KCNK12: variants seen among roughly 807,000 people sequenced by gnomAD.
KCNK12 encodes the protein potassium two pore domain channel subfamily K member 12, also known as potassium channel subfamily K member 12.
Under a neutral mutation model 25.3 loss-of-function variants are expected in KCNK12, and 6 were observed. That is an observed-to-expected ratio of 0.24 (90% CI 0.13 to 0.47). KCNK12 has a LOEUF of 0.47. Among genes scored for constraint, KCNK12 ranks in the 20% least tolerant of loss-of-function variants. The pLI, the probability that KCNK12 is intolerant of heterozygous loss-of-function variation, is 0.99. For missense variants in KCNK12, 444 were observed against 661.7 expected (o/e 0.67, Z 3.61); for synonymous variants, 331 against 311.1 (o/e 1.06, Z -0.67).
At chr2:47,535,609 C>T (rs1275371496) in intron 1 of KCNK12, among the ~76,000 whole-genome samples, 1 of 152,182 alleles carries the variant, frequency 6.6e-6, no homozygotes, top group Non-Finnish European at 1.5e-5. Context: ...AGACCAAGCA[C>T]TCTGCTGGTA....
At chr2:47,531,079 G>T (rs2104769147) in intron 1 of KCNK12, among the ~76,000 whole-genome samples, 1 of 152,302 alleles carries the variant, frequency 6.6e-6, no homozygotes, top group East Asian at 1.9e-4. Flanking sequence ...CAATCCCCGG[G>T]TGCATCCAGA....
intron 1 of KCNK12, among the ~76,000 whole-genome samples, chr2:47,544,520 T>C (rs1669271766): frequency 6.6e-6 from 1 of 152,264 alleles, no homozygotes; most frequent in Non-Finnish European, 1.5e-5. Flanking sequence ...CGTGTGTACT[T>C]TCTTGTCTAA....
intron 1 of KCNK12, among the ~76,000 whole-genome samples, chr2:47,534,123 C>T (rs1006165305): frequency 6.6e-6 from 1 of 152,024 alleles, no homozygotes. Flanking sequence ...CCAGTGACTT[C>T]TAACATTAGA....
rs998636172 is a variant in KCNK12 at position 47,536,318 on chromosome 2, C to G, written c.392-14510G>C. 4.6e-5 allele frequency among the ~76,000 whole-genome samples: 7 copies of G among 152,262 alleles called. No individual in the cohort carries two copies. The East Asian group carries it at 9.6e-4, about 21-fold the overall frequency. ...GACAGCCCCTGTCCTGACCATTGTC[C>G]CAGAGATTTAACCCTTTGTGTTTTT... On this transcript the variant is annotated intron_variant, in intron 1 of 1. Coordinates refer to ENST00000327876, the MANE Select transcript of KCNK12 (RefSeq NM_022055.2).
Position 47,548,410 on chromosome 2 carries a change from C to T in KCNK12, c.391+21531G>A, listed in dbSNP as rs1001403711. On this transcript the variant is annotated intron_variant, in intron 1 of 1. Transcript: ENST00000327876. The surrounding 1 kb of genome is among the most constrained non-coding windows in gnomAD (Gnocchi z 4.4). ...CATTTCCAAAACCAAGCTCTTGATT[C>T]TCCCTCCCAACCAGCCCCTCCTTGA... is the stretch of plus-strand genomic sequence containing the variant. Among the ~76,000 whole-genome samples, 1 of 152,224 alleles carries T rather than the reference C, an allele frequency of 6.6e-6. No individual in the cohort carries two copies. Among genetic ancestry groups the T allele is most frequent in the African/African-American group, 2.4e-5 (1 of 41,452 alleles).
At position 47,548,114 on chromosome 2, in the gene KCNK12, G is replaced by T. The variant is rs1448339416; in HGVS notation, c.391+21827C>A. On this transcript the variant is annotated intron_variant, in intron 1 of 1. Coordinates refer to ENST00000327876, the MANE Select transcript of KCNK12 (RefSeq NM_022055.2). The surrounding 1 kb of genome is among the most constrained non-coding windows in gnomAD (Gnocchi z 4.4). ...TTCCTCTTTGCCTTCTGACATGATTGTAAGTTCCCTGAGGCCTCTCCTGCC... is the reference window on the plus strand; with the variant it reads ...TTCCTCTTTGCCTTCTGACATGATTTTAAGTTCCCTGAGGCCTCTCCTGCC... Among the ~76,000 whole-genome samples the T allele has an allele frequency of 6.6e-6, 1 of 152,162 alleles. No individual in the cohort carries two copies. The highest frequency in any genetic ancestry group is 1.5e-5 in the Non-Finnish European group (1 of 68,032).
At chr2:47,558,545 G>A (rs956926911) in intron 1 of KCNK12, among the ~76,000 whole-genome samples, 7 of 152,212 alleles carry the variant, frequency 4.6e-5, no homozygotes, top group Admixed American at 6.5e-5. Context: ...GCAGAGGCCC[G>A]TGCCTACCTT....
chr2:47,524,100 T>A (rs10495945), intron 1 of KCNK12, among the ~76,000 whole-genome samples: 1 of 152,006 alleles, frequency 6.6e-6, no homozygotes, highest in Non-Finnish European at 1.5e-5. Flanking sequence ...ATGTTACCCA[T>A]GTTGAGGAAG....
At chr2:47,558,892 A>G (rs1669604478) in intron 1 of KCNK12, among the ~76,000 whole-genome samples, 1 of 152,162 alleles carries the variant, frequency 6.6e-6, no homozygotes, top group Admixed American at 6.5e-5. Flanking sequence ...CTTCCGTCAA[A>G]TGTGTGAAGC....
intron 1 of KCNK12, among the ~76,000 whole-genome samples, chr2:47,549,492 A>C (rs1669380533): frequency 6.6e-6 from 1 of 152,264 alleles, no homozygotes; most frequent in African/African-American, 2.4e-5. Context: ...CAATAGAAAC[A>C]GACCCAGAAA....
chr2:47,543,748 A>G (rs1669252330), intron 1 of KCNK12: 1 of 152,288 alleles, frequency 6.6e-6, no homozygotes, highest in South Asian at 2.1e-4. Flanking sequence ...CAAGCTCGGG[A>G]TGGGGGATGG....
rs537362713 is a variant in KCNK12, at chr2:47,562,018, C to T, written c.391+7923G>A. On this transcript the variant is annotated intron_variant, in intron 1 of 1. Coordinates refer to ENST00000327876, the MANE Select transcript of KCNK12 (RefSeq NM_022055.2). The surrounding 1 kb of genome is among the most constrained non-coding windows in gnomAD (Gnocchi z 4.8). ...TGGTGATATGTCCTGCCTAAAGCCACGCAGCCAGTTAGTGGCAGAGCCAGG... is the reference window on the plus strand; with the variant it reads ...TGGTGATATGTCCTGCCTAAAGCCATGCAGCCAGTTAGTGGCAGAGCCAGG... The T allele has an allele frequency of 2.5e-4, 99 of 398,558 alleles. 2 individuals are homozygous for T. The South Asian group carries it at 0.01, about 42-fold the overall frequency. 24.7% of individuals were successfully genotyped at this position (398,558 alleles called of 1,614,324 possible).
intron 1 of KCNK12, among the ~76,000 whole-genome samples, chr2:47,546,975 G>A (rs750096386): frequency 1.3e-5 from 2 of 152,114 alleles, no homozygotes; most frequent in Non-Finnish European, 2.9e-5. Context: ...ACTTGGGTGT[G>A]GGAAAGGCCA....
rs1020792198 is a variant in KCNK12, at chr2:47,510,761, A to G, written c.*10146T>C. 1.1e-4 allele frequency: 16 copies of G among 152,222 alleles called. No individual in the cohort carries two copies. Among genetic ancestry groups the G allele is most frequent in the Admixed American group, 1.3e-4 (2 of 15,282 alleles). 9.4% of individuals were successfully genotyped at this position (152,222 alleles called of 1,614,324 possible). ...GTGTACAGGAGAAACAGGTCTATTA[A>G]CCCTGGTATTAATATTAACTGGCTG... On this transcript the variant is annotated 3_prime_UTR_variant, in exon 2 of 2. Coordinates refer to ENST00000327876, the MANE Select transcript of KCNK12 (RefSeq NM_022055.2).
Position 47,528,535 on chromosome 2 carries a change from G to A in KCNK12, c.392-6727C>T, listed in dbSNP as rs534315715. On this transcript the variant is annotated intron_variant, in intron 1 of 1. Transcript: ENST00000327876. This position sits in a 1 kb window ranked among gnomAD's most constrained non-coding sequence, Gnocchi z 4.5. ...GTGGGGAGCCAAGCTGCTCTGGAGA[G>A]GGGCCTCAAAGCTTCAGCCAGAGAA... 6.6e-6 allele frequency among the ~76,000 whole-genome samples: 1 copy of A among 152,328 alleles called. No individual in the cohort carries two copies. The highest frequency in any genetic ancestry group is 1.5e-5 in the Non-Finnish European group (1 of 68,038).
At chr2:47,546,368 G>A (rs115755116) in intron 1 of KCNK12, among the ~76,000 whole-genome samples, 16 of 152,318 alleles carry the variant, frequency 1.1e-4, no homozygotes, top group African/African-American at 3.6e-4. Context: ...ATTAATTAAC[G>A]GATACTGAAA....
At chr2:47,568,245 G>A (rs1055054607) in intron 1 of KCNK12, among the ~76,000 whole-genome samples, 3 of 151,878 alleles carry the variant, frequency 2.0e-5, no homozygotes, top group African/African-American at 7.3e-5. Flanking sequence ...AGTCAACAAT[G>A]AGCTATGGAT....
intron 1 of KCNK12, among the ~76,000 whole-genome samples, chr2:47,549,278 C>T (rs1669375834): frequency 6.6e-6 from 1 of 152,126 alleles, no homozygotes; most frequent in Non-Finnish European, 1.5e-5. Flanking sequence ...TTTAGACCTG[C>T]CTTTAAAAAG....
chr2:47,554,686 ACAAG>A (rs1669514743), intron 1 of KCNK12, among the ~76,000 whole-genome samples: 1 of 152,170 alleles, frequency 6.6e-6, no homozygotes, highest in Non-Finnish European at 1.5e-5. Flanking sequence ...AGGATTTCAA[ACAAG>A]CAAAGGACTT....
Sources: gnomAD v4.1 joint callset for allele counts (sites outside exome capture counted in the v4.1 genomes callset) on GRCh38, gnomAD v4.1.1 for gene constraint, Gnocchi (gnomAD v3.1) non-coding constraint, MANE v1.5 for transcripts, NCBI Gene and HGNC (gene_info 2026-07-23, HGNC 2026-07-21) for gene names.